Variants in AGBL1 observed in about 807,000 individuals in gnomAD.
AGBL1 encodes cytosolic carboxypeptidase 4.
AGBL1 carries 130 observed loss-of-function variants against 118.9 expected under a neutral mutation model. That is an observed-to-expected ratio of 1.09 (90% CI 0.95 to 1.26). The LOEUF (loss-of-function observed/expected upper bound fraction) is 1.26. AGBL1 is among the 50% of genes most tolerant of loss of function. The pLI is 0.00. For missense variants in AGBL1, 1,584 were observed against 1,298.1 expected, an observed-to-expected ratio of 1.22 and a Z score of -3.38; for synonymous variants, 555 against 478.9, an observed-to-expected ratio of 1.16 and a Z score of -2.08.
At chr15:86,870,993 A>G (rs1431564089) in intron 22 of AGBL1, among the ~76,000 whole-genome samples, 2 of 152,188 alleles carry the variant, frequency 1.3e-5, no homozygotes. Flanking sequence ...CCAGCAACTA[A>G]CTGCTTAGGG....
intron 17 of AGBL1, among the ~76,000 whole-genome samples, chr15:86,332,252 T>G (rs958227530): frequency 1.3e-5 from 2 of 152,218 alleles, no homozygotes; most frequent in African/African-American, 2.4e-5. Context: ...ATTTATAAAA[T>G]AAGTACTTCT....
At chr15:86,620,506 T>C (rs1404293728) in intron 21 of AGBL1, among the ~76,000 whole-genome samples, 1 of 152,222 alleles carries the variant, frequency 6.6e-6, no homozygotes, top group East Asian at 1.9e-4. Flanking sequence ...GTCTGCATGC[T>C]GACCTCTCAT....
At chr15:86,232,828 G>A (rs2078478339) in intron 6 of AGBL1, among the ~76,000 whole-genome samples, 1 of 152,166 alleles carries the variant, frequency 6.6e-6, no homozygotes, top group Admixed American at 6.5e-5. Flanking sequence ...CCTGCATGTA[G>A]CCCTCATGCC....
At chr15:86,579,057 A>G (rs765576445) in intron 21 of AGBL1, among the ~76,000 whole-genome samples, 1 of 152,190 alleles carries the variant, frequency 6.6e-6, no homozygotes, top group Non-Finnish European at 1.5e-5. Flanking sequence ...AGACTTTTGT[A>G]AAAGCCTAGA....
intron 17 of AGBL1, among the ~76,000 whole-genome samples, chr15:86,389,928 A>G (rs2081251697): frequency 6.6e-6 from 1 of 152,138 alleles, no homozygotes; most frequent in Admixed American, 6.5e-5. Context: ...ATAAATCATT[A>G]ATTATATCAA....
intron 18 of AGBL1, among the ~76,000 whole-genome samples, chr15:86,448,851 GA>G (rs912083588): frequency 7.3e-5 from 11 of 149,834 alleles, no homozygotes; most frequent in Non-Finnish European, 1.5e-4. Context: ...TAACTCAAAA[GA>G]AAAAAAAAGG....
chr15:86,970,580 T>A (rs1310966118), intron 23 of AGBL1, among the ~76,000 whole-genome samples: 1 of 152,022 alleles, frequency 6.6e-6, no homozygotes, highest in Non-Finnish European at 1.5e-5. Flanking sequence ...GTCTTTATTT[T>A]CAGAGTTAGT....
chr15:86,634,671 T>C (rs1004864571), intron 21 of AGBL1, among the ~76,000 whole-genome samples: 2 of 152,158 alleles, frequency 1.3e-5, no homozygotes, highest in South Asian at 4.1e-4. Flanking sequence ...CTAAACAAAC[T>C]TGTATACTCT....
rs117806204 is a variant in AGBL1 at position 86,205,983 on chromosome 15, G to A, written c.489-18931G>A. On this transcript the variant is annotated intron_variant, in intron 5 of 22. Coordinates refer to ENST00000614907, the MANE Select transcript of AGBL1 (RefSeq NM_001386094.1). The stretch of plus-strand genomic sequence containing the variant: ...CCTAATGCTATCCCTCCCCCTGCCC[G>A]CTACCCCACGACAGTCCTCTGTGTG... Among the ~76,000 whole-genome samples the A allele has an allele frequency of 1.2e-3, 183 of 152,050 alleles. 1 individual carries two copies. The East Asian group carries it at 0.032, about 27-fold the overall frequency.
intron 22 of AGBL1, among the ~76,000 whole-genome samples, chr15:86,735,083 AT>A (rs2077573898): frequency 1.2e-5 from 1 of 84,208 alleles, no homozygotes; most frequent in African/African-American, 3.5e-5. Flanking sequence ...TATAATAATA[AT>A]TATTATTATT....
At chr15:86,656,495 C>A (rs1440874200) in intron 21 of AGBL1, among the ~76,000 whole-genome samples, 1 of 152,150 alleles carries the variant, frequency 6.6e-6, no homozygotes, top group Non-Finnish European at 1.5e-5. Flanking sequence ...AATGACACAT[C>A]ACTCTTGTTT....
intron 19 of AGBL1, among the ~76,000 whole-genome samples, chr15:86,537,563 C>G (rs2083443063): frequency 6.6e-6 from 1 of 152,174 alleles, no homozygotes; most frequent in African/African-American, 2.4e-5. Context: ...GATGGCTGGC[C>G]AGAGATGGAG....
chr15:86,233,215 G>A (rs376253334), intron 6 of AGBL1, among the ~76,000 whole-genome samples: 35 of 152,116 alleles, frequency 2.3e-4, no homozygotes, highest in African/African-American at 7.7e-4. Flanking sequence ...TGGACTCTGG[G>A]TTCAATGCAG....
intron 24 of AGBL1, among the ~76,000 whole-genome samples, chr15:87,011,037 C>A (rs1700674749): frequency 6.6e-6 from 1 of 152,204 alleles, no homozygotes; most frequent in African/African-American, 2.4e-5. Context: ...TGCAGATAAA[C>A]TAAATTTTGT....
chr15:86,965,203 C>T (rs1321930551), intron 23 of AGBL1, among the ~76,000 whole-genome samples: 6 of 152,114 alleles, frequency 3.9e-5, no homozygotes, highest in African/African-American at 9.7e-5. Context: ...TGAGGAATCG[C>T]CACACTCTCT....
chr15:86,190,808 A>G (rs1051874513), intron 5 of AGBL1, among the ~76,000 whole-genome samples: 49 of 152,250 alleles, frequency 3.2e-4, no homozygotes, highest in African/African-American at 1.1e-3. Flanking sequence ...CCTAGTTAAC[A>G]TAGAAGGTAA....
intron 1 of AGBL1, among the ~76,000 whole-genome samples, chr15:86,136,682 T>G (rs2076893673): frequency 6.6e-6 from 1 of 152,146 alleles, no homozygotes; most frequent in Non-Finnish European, 1.5e-5. Flanking sequence ...TCTGTATCAT[T>G]GGCATGGAGT....
chr15:86,397,334 G>GGTTTA, intron 17 of AGBL1, 32 bp from the exon 18 acceptor site: 1 of 1,412,772 alleles, frequency 7.1e-7, no homozygotes, highest in South Asian at 1.8e-5. Context: ...TTAAAATTTG[G>GGTTTA]GTTTAATTTT....
chr15:86,294,506 A>G (rs538844748), intron 16 of AGBL1, among the ~76,000 whole-genome samples: 1 of 151,826 alleles, frequency 6.6e-6, no homozygotes, highest in African/African-American at 2.4e-5. Context: ...TATGGTAGGA[A>G]AAATTTGTTG....
Sources: gnomAD v4.1 joint callset for allele counts (sites outside exome capture counted in the v4.1 genomes callset) on GRCh38, gnomAD v4.1.1 for gene constraint, MANE v1.5 for transcripts, NCBI Gene and HGNC (gene_info 2026-07-23, HGNC 2026-07-21) for gene names.